The following SIL1 variants were observed in gnomAD, a reference collection of about 807,000 sequenced individuals.
SIL1 encodes SIL1 nucleotide exchange factor, also known as nucleotide exchange factor SIL1.
Under a neutral mutation model 49.1 loss-of-function variants are expected in SIL1, and 40 were observed. The observed-to-expected ratio is 0.81, with a 90% confidence interval of 0.63 to 1.06. SIL1 has a LOEUF of 1.06. Among genes scored for constraint, SIL1 ranks in the 50% least tolerant of loss-of-function variants. The pLI, the probability that SIL1 is intolerant of heterozygous loss-of-function variation, is 0.00. For synonymous variants in SIL1, 253 were observed against 250.8 expected (o/e 1.01, Z -0.08); for missense variants, 500 against 572.6 (o/e 0.87, Z 1.29).
At chr5:139,113,150 C>T (rs1770907253) in intron 3 of SIL1, among the ~76,000 whole-genome samples, 1 of 151,948 alleles carries the variant, frequency 6.6e-6, no homozygotes, top group African/African-American at 2.4e-5. Context: ...CCCAGGGACA[C>T]AAACACTGCG....
chr5:139,004,408 T>C (rs1450688764), intron 7 of SIL1, among the ~76,000 whole-genome samples: 2 of 152,222 alleles, frequency 1.3e-5, no homozygotes, highest in Admixed American at 1.3e-4. Flanking sequence ...AGAATTCATG[T>C]ATTTTATCAA....
At chr5:139,188,312 G>C (rs1752111701) in intron 1 of SIL1, among the ~76,000 whole-genome samples, 1 of 152,020 alleles carries the variant, frequency 6.6e-6, no homozygotes, top group African/African-American at 2.4e-5. Context: ...ACAAAACTAG[G>C]TAAAAAAGAT....
intron 1 of SIL1, 33 bp from the exon 2 acceptor site, chr5:139,127,886 A>G (rs1750785319): frequency 1.5e-6 from 2 of 1,366,370 alleles, no homozygotes; most frequent in South Asian, 2.5e-5. Flanking sequence ...CAGAAGGTCA[A>G]TGAAAAGCTA....
At chr5:139,001,273 T>C (rs1320929678) in intron 7 of SIL1, among the ~76,000 whole-genome samples, 1 of 152,196 alleles carries the variant, frequency 6.6e-6, no homozygotes, top group Non-Finnish European at 1.5e-5. Context: ...TTATTTCCAC[T>C]AGCAACCACT....
chr5:139,011,745 A>G (rs929587514), intron 7 of SIL1, among the ~76,000 whole-genome samples: 1 of 152,078 alleles, frequency 6.6e-6, no homozygotes, highest in Non-Finnish European at 1.5e-5. Flanking sequence ...TCATAGGAAG[A>G]TTTTTGTTTG....
At chr5:139,084,983 A>G (rs1385293137) in intron 3 of SIL1, among the ~76,000 whole-genome samples, 3 of 152,170 alleles carry the variant, frequency 2.0e-5, no homozygotes, top group East Asian at 1.9e-4. Context: ...CTGTTGTGCA[A>G]CATGCTTCAC....
At chr5:139,169,812 T>C (rs1383206550) in intron 1 of SIL1, among the ~76,000 whole-genome samples, 2 of 150,284 alleles carry the variant, frequency 1.3e-5, no homozygotes, top group Admixed American at 6.6e-5. Context: ...AAAAAAAAGC[T>C]CTACTCCCTC....
At chr5:139,021,798 G>C in intron 6 of SIL1, 1 of 170,530 alleles carries the variant, frequency 5.9e-6, no homozygotes, top group Non-Finnish European at 1.2e-5. Flanking sequence ...GGGGAGGGGG[G>C]AATAACAATA....
chr5:138,994,058 C>A (rs1767812350), intron 7 of SIL1, among the ~76,000 whole-genome samples: 1 of 151,890 alleles, frequency 6.6e-6, no homozygotes, highest in East Asian at 1.9e-4. Context: ...TGGAAGATAT[C>A]ATATTTAGTG....
chr5:139,024,313 T>C (rs1768596827), intron 6 of SIL1, among the ~76,000 whole-genome samples: 1 of 152,220 alleles, frequency 6.6e-6, no homozygotes, highest in Non-Finnish European at 1.5e-5. Context: ...GTTTTTACCC[T>C]GGAGAGTAAG....
chr5:139,040,197 C>T (rs1474328362), intron 5 of SIL1, among the ~76,000 whole-genome samples: 1 of 152,134 alleles, frequency 6.6e-6, no homozygotes, highest in Non-Finnish European at 1.5e-5. Flanking sequence ...AAGAAACTCC[C>T]CAACCAATTT....
chr5:139,020,045 C>A (rs1031189279), intron 7 of SIL1, among the ~76,000 whole-genome samples: 1 of 152,170 alleles, frequency 6.6e-6, no homozygotes, highest in African/African-American at 2.4e-5. Flanking sequence ...GGAGATTTCC[C>A]TGGGCTTCCT....
At chr5:139,051,967 C>A (rs1298735022) in intron 3 of SIL1, among the ~76,000 whole-genome samples, 3 of 152,138 alleles carry the variant, frequency 2.0e-5, no homozygotes, top group African/African-American at 7.2e-5. Flanking sequence ...AGATTTGAAG[C>A]AAAGATGGTG....
intron 3 of SIL1, among the ~76,000 whole-genome samples, chr5:139,057,430 G>C (rs182467227): frequency 6.6e-6 from 1 of 152,096 alleles, no homozygotes; most frequent in East Asian, 1.9e-4. Flanking sequence ...GTTTATTAAG[G>C]GGTGCTCTCC....
intron 3 of SIL1, among the ~76,000 whole-genome samples, chr5:139,063,536 G>A (rs764778779): frequency 3.3e-5 from 5 of 152,106 alleles, no homozygotes; most frequent in Admixed American, 6.5e-5. Context: ...TAGCTCTTCC[G>A]GCTCTCTAAT....
rs534148158 is a variant in SIL1 at position 138,992,092 on chromosome 5, C to T, written c.767+29079G>A. On this transcript the variant is annotated intron_variant, in intron 7 of 9. Transcript: ENST00000394817. ...CATGGAAGGAAAGCAAGGTGCAGAA[C>T]GGATGTACTGAGTCCCATGGCAATC... is the stretch of plus-strand genomic sequence containing the variant. Among the ~76,000 whole-genome samples the T allele has an allele frequency of 1.2e-3, 185 of 152,268 alleles. 2 individuals are homozygous for T. The highest frequency in any genetic ancestry group is 4.0e-3 in the African/African-American group (168 of 41,548).
At chr5:139,067,096 A>G (rs1769722939) in intron 3 of SIL1, among the ~76,000 whole-genome samples, 1 of 152,238 alleles carries the variant, frequency 6.6e-6, no homozygotes. Context: ...TTCTAAAACA[A>G]AGATGAGTGA....
At chr5:139,071,690 C>T (rs1220454081) in intron 3 of SIL1, among the ~76,000 whole-genome samples, 2 of 130,282 alleles carry the variant, frequency 1.5e-5, no homozygotes, top group African/African-American at 2.9e-5. Context: ...TTTTTTGAGA[C>T]GGAGTCTCAC....
chr5:139,051,544 C>T (rs757781691), intron 3 of SIL1, among the ~76,000 whole-genome samples: 5 of 152,204 alleles, frequency 3.3e-5, no homozygotes, highest in Non-Finnish European at 5.9e-5. Context: ...TAATTAGGCT[C>T]CTTCTATGAG....
Sources: gnomAD v4.1 joint callset for allele counts (sites outside exome capture counted in the v4.1 genomes callset) on GRCh38, gnomAD v4.1.1 for gene constraint, MANE v1.5 for transcripts, NCBI Gene and HGNC (gene_info 2026-07-23, HGNC 2026-07-21) for gene names.